NTM: variants seen among roughly 807,000 people sequenced by gnomAD.
NTM encodes neurotrimin, also known as IgLON family member 2.
Under a neutral mutation model 42.1 loss-of-function variants are expected in NTM, and 13 were observed. The ratio of observed to expected loss-of-function variants is 0.31; its 90% CI spans 0.20 to 0.49. The LOEUF is 0.49. NTM is among the 20% of genes least tolerant of loss of function. NTM has a pLI of 0.99. For synonymous variants in NTM, 187 were observed against 179.2 expected, an observed-to-expected ratio of 1.04 and a Z score of -0.35; for missense variants, 373 against 452.8, an observed-to-expected ratio of 0.82 and a Z score of 1.60.
chr11:132,046,804 ATCTG>A (rs771724283), intron 2 of NTM, among the ~76,000 whole-genome samples: 19 of 152,172 alleles, frequency 1.2e-4, no homozygotes, highest in East Asian at 7.7e-4. Flanking sequence ...TTATCTATCT[ATCTG>A]TCTGTCTATC....
Position 132,324,656 on chromosome 11 carries a change from G to C in NTM, c.935-5497G>C, listed in dbSNP as rs1024592060. Among the ~76,000 whole-genome samples the C allele has an allele frequency of 2.0e-3, 30 of 14,718 alleles. 1 individual carries two copies. The East Asian group carries it at 0.042, about 20-fold the overall frequency. 9.7% of individuals were successfully genotyped at this position (14,718 alleles called of 152,430 possible). On this transcript the variant is annotated intron_variant, in intron 7 of 8. Coordinates refer to ENST00000683400, the MANE Select transcript of NTM (RefSeq NM_001352005.2). ...CAAGCTACCAATGACTTTCTTCACA[G>C]AATTGGAAAAAAAACTAAAGTTCAT...
At chr11:131,526,438 C>T (rs1292435165) in intron 1 of NTM, among the ~76,000 whole-genome samples, 7 of 152,174 alleles carry the variant, frequency 4.6e-5, no homozygotes, top group Admixed American at 6.5e-5. Context: ...GGATTGTCAG[C>T]TTTCTTTGGA....
Position 132,116,354 on chromosome 11 carries a change from AC to A in NTM, c.168-29925del, listed in dbSNP as rs2063896390. 3.3e-5 allele frequency among the ~76,000 whole-genome samples: 5 copies of A among 152,296 alleles called. 1 individual carries two copies. The South Asian group carries it at 6.2e-4, about 19-fold the overall frequency. ...CTGGGAGACACTGCCCATAGATAGT[AC>A]CCAAACAGAAGTGGGGGGTGATACT... On this transcript the variant is annotated intron_variant, in intron 2 of 8. Coordinates refer to ENST00000683400, the MANE Select transcript of NTM (RefSeq NM_001352005.2).
Position 132,307,816 on chromosome 11 carries a change from C to T in NTM, c.654C>T (p.Thr218=), listed in dbSNP as rs201022641. 222 of 1,613,922 alleles carry T rather than the reference C, an allele frequency of 1.4e-4. 1 individual carries two copies. The East Asian group carries it at 2.9e-3, about 21-fold the overall frequency. The change falls in exon 5 of 9, where the codon ACC becomes ACT. Residue 218 remains threonine, a synonymous_variant. Coordinates refer to ENST00000683400, the MANE Select transcript of NTM (RefSeq NM_001352005.2). ...AAPVVRRVKV[T]VNYPPYISEA... ...CCGTGGTACGGAGAGTAAAGGTCAC[C>T]GTGAACTGTAAGTGTTCTCACCACC...
At chr11:132,113,208 C>T (rs1364877615) in intron 2 of NTM, among the ~76,000 whole-genome samples, 5 of 152,174 alleles carry the variant, frequency 3.3e-5, no homozygotes, top group African/African-American at 9.7e-5. Context: ...CCATGCAGCC[C>T]GTGCCCAGTC....
At chr11:131,481,717 C>T (rs1953614964) in intron 1 of NTM, among the ~76,000 whole-genome samples, 1 of 152,206 alleles carries the variant, frequency 6.6e-6, no homozygotes, top group African/African-American at 2.4e-5. Context: ...TCTTGGCCTC[C>T]CCTTACCATC....
intron 1 of NTM, among the ~76,000 whole-genome samples, chr11:131,689,154 T>C (rs965729758): frequency 2.6e-5 from 4 of 152,084 alleles, no homozygotes; most frequent in African/African-American, 9.7e-5. Flanking sequence ...CTCTGCTTTT[T>C]ACTTGTGAGG....
chr11:132,271,241 G>A (rs1031396314), intron 4 of NTM, among the ~76,000 whole-genome samples: 6 of 152,058 alleles, frequency 3.9e-5, no homozygotes, highest in Non-Finnish European at 5.9e-5. Flanking sequence ...TAGTTCATTT[G>A]TTTTTATGAC....
rs989106712 is a variant in NTM, at chr11:131,834,640, A to ATATATATATATATATG, written c.83-76919_83-76918insATATATATATGTATAT. On this transcript the variant is annotated intron_variant, in intron 1 of 8. Transcript: ENST00000683400. ...TATACATATACATATATATATATATATATATGTATAATCTTCACAGCAACG... is the reference window on the plus strand; with the variant it reads ...TATACATATACATATATATATATATATATATATATATATATGTATATGTATAATCTTCACAGCAACG... Among the ~76,000 whole-genome samples the ATATATATATATATATG allele has an allele frequency of 4.8e-5, 7 of 147,016 alleles. No homozygotes were observed. In the East Asian group the frequency reaches 1.4e-3, roughly 30 times the overall value.
At chr11:131,945,960 G>C (rs940710768) in intron 2 of NTM, among the ~76,000 whole-genome samples, 3 of 152,184 alleles carry the variant, frequency 2.0e-5, no homozygotes, top group African/African-American at 7.2e-5. Flanking sequence ...GTCCGTAGCA[G>C]GGTGCAGGCT....
intron 1 of NTM, among the ~76,000 whole-genome samples, chr11:131,374,759 G>A (rs1300521353): frequency 1.3e-5 from 2 of 152,160 alleles, no homozygotes; most frequent in Admixed American, 6.5e-5. Flanking sequence ...TTGGGATGAA[G>A]TGAGCTCTCT....
intron 1 of NTM, among the ~76,000 whole-genome samples, chr11:131,449,558 G>T (rs1354259108): frequency 6.6e-6 from 1 of 152,168 alleles, no homozygotes; most frequent in African/African-American, 2.4e-5. Context: ...GCCTGTGATG[G>T]CTGCACAGCC....
At chr11:132,106,026 T>C (rs1214160443) in intron 2 of NTM, among the ~76,000 whole-genome samples, 1 of 152,184 alleles carries the variant, frequency 6.6e-6, no homozygotes, top group African/African-American at 2.4e-5. Context: ...CCTGGGATCA[T>C]GGGCTCCGTG....
At chr11:132,096,632 G>A (rs2061025908) in intron 2 of NTM, among the ~76,000 whole-genome samples, 1 of 152,204 alleles carries the variant, frequency 6.6e-6, no homozygotes, top group South Asian at 2.1e-4. Flanking sequence ...CCACTCTGGA[G>A]CAATTAATTA....
At chr11:131,579,726 G>T (rs2458766) in intron 1 of NTM, among the ~76,000 whole-genome samples, 100,384 of 152,076 alleles carry the variant, frequency 0.66, 34,532 homozygotes, top group African/African-American at 0.87. Context: ...GTCAATGCAA[G>T]GGCAGAGATG....
intron 4 of NTM, among the ~76,000 whole-genome samples, chr11:132,284,069 C>T (rs1351287250): frequency 6.6e-6 from 1 of 152,160 alleles, no homozygotes; most frequent in Non-Finnish European, 1.5e-5. Context: ...GCCCCTGGGG[C>T]CTCAGCCCCA....
intron 2 of NTM, among the ~76,000 whole-genome samples, chr11:131,978,549 G>A (rs1048801498): frequency 4.6e-5 from 7 of 151,974 alleles, no homozygotes; most frequent in Non-Finnish European, 8.8e-5. Context: ...GACTGTTCCC[G>A]AGGCTCCTGC....
chr11:132,249,796 C>T (rs369890177), intron 4 of NTM, among the ~76,000 whole-genome samples: 221 of 152,312 alleles, frequency 1.5e-3, no homozygotes, highest in African/African-American at 5.2e-3. Context: ...CATTAAAGGA[C>T]CATTTTAATC....
At chr11:132,225,488 A>C (rs549486196) in intron 4 of NTM, among the ~76,000 whole-genome samples, 25 of 152,100 alleles carry the variant, frequency 1.6e-4, no homozygotes, top group Non-Finnish European at 3.2e-4. Flanking sequence ...ATCCAAGGCC[A>C]TGAGTGGGGA....
Sources: allele counts gnomAD v4.1 joint callset (sites outside exome capture counted in the v4.1 genomes callset), GRCh38; gene constraint gnomAD v4.1.1; transcripts MANE v1.5; gene names NCBI Gene and HGNC (gene_info 2026-07-23, HGNC 2026-07-21).